SLU7: variants seen among roughly 807,000 people sequenced by gnomAD.
SLU7 encodes the protein spliceosome associated SLU7.
SLU7 carries 60 observed loss-of-function variants against 87.0 expected under a neutral mutation model. The observed-to-expected ratio is 0.69, with a 90% CI of 0.56 to 0.86. SLU7 has a LOEUF of 0.86. Ranked by LOEUF, SLU7 falls within the 40% of genes least tolerant of loss-of-function variation. The probability of loss-of-function intolerance (pLI) is 0.00; values close to 1 mark genes in which losing one functional copy is unlikely to be tolerated. For synonymous variants in SLU7, 197 were observed against 222.0 expected, an observed-to-expected ratio of 0.89 and a Z score of 1.00; for missense variants, 507 against 686.6, an observed-to-expected ratio of 0.74 and a Z score of 2.92.
In SLU7 at chr5:160,415,309, C is replaced by T; in HGVS notation, c.-15G>A. 1 of 1,541,936 alleles carries T rather than the reference C, an allele frequency of 6.5e-7. No homozygotes were observed. The highest frequency in any genetic ancestry group is 8.7e-7 in the Non-Finnish European group (1 of 1,149,094). On this transcript the variant is annotated splice_region_variant and 5_prime_UTR_variant, in exon 2 of 16. Coordinates refer to ENST00000297151, the MANE Select transcript of SLU7 (RefSeq NM_006425.5). The stretch of plus-strand genomic sequence containing the variant: ...GTGGCTGACATGGTTATCTGGCCTC[C>T]TCTAGGAAAAGAAGTGAAACTTACA...
intron 6 of SLU7, among the ~76,000 whole-genome samples, chr5:160,409,270 G>A (rs150899365): frequency 7.9e-5 from 12 of 152,196 alleles, no homozygotes; most frequent in African/African-American, 2.9e-4. Context: ...TGTAATTTAA[G>A]GAGAGGCCAA....
In SLU7 at chr5:160,401,937, A is replaced by G. The variant is rs1405000566; in HGVS notation, c.*1348T>C. The stretch of plus-strand genomic sequence containing the variant: ...ACAGGTGGTTTTTGGTAGTTTAGAA[A>G]AGCCAGTGAGTGGGCTGTTAAAAGT... On this transcript the variant is annotated 3_prime_UTR_variant, in exon 16 of 16. Coordinates refer to ENST00000297151, the MANE Select transcript of SLU7 (RefSeq NM_006425.5). The G allele has an allele frequency of 6.6e-6, 1 of 152,188 alleles. No homozygotes were observed. The highest frequency in any genetic ancestry group is 1.5e-5 in the Non-Finnish European group (1 of 68,018). The allele number at this position is 152,188 out of a possible 1,614,324, so 9.4% of individuals were successfully genotyped here.
At chr5:160,413,747 T>G (rs1765337750) in intron 4 of SLU7, 127 bp from the exon 5 acceptor site, 1 of 1,006,948 alleles carries the variant, frequency 9.9e-7, no homozygotes, top group African/African-American at 1.6e-5. Context: ...AGTAGAAAAT[T>G]TTGTTGGTGT....
chr5:160,413,448 T>G lies in SLU7; in HGVS notation c.570+8A>C. 1 of 1,612,396 alleles carries G rather than the reference T, an allele frequency of 6.2e-7. No homozygotes were observed. Among genetic ancestry groups the G allele is most frequent in the Non-Finnish European group, 8.5e-7 (1 of 1,179,176 alleles). ...AAAAACCCCAGGAAAGCAGGGAATT[T>G]TGCTCACCAAATCAACTTTGGCATA... On this transcript the variant is annotated splice_region_variant and intron_variant, in intron 5 of 15. Transcript: ENST00000297151.
chr5:160,410,065 T>C (rs1765168573), intron 6 of SLU7, among the ~76,000 whole-genome samples: 1 of 152,132 alleles, frequency 6.6e-6, no homozygotes, highest in Non-Finnish European at 1.5e-5. Flanking sequence ...CCCACTGTAC[T>C]CTATGTTGTT....
intron 6 of SLU7, among the ~76,000 whole-genome samples, 177 bp from the exon 7 acceptor site, chr5:160,408,874 TATA>T (rs946293125): frequency 7.6e-6 from 1 of 131,848 alleles, no homozygotes; most frequent in Admixed American, 8.0e-5. Flanking sequence ...TTATATAATA[TATA>T]ATATGTAACT....
In SLU7 at chr5:160,403,690, A is replaced by G. The variant is rs546922943; in HGVS notation, c.1582-226T>C. 1.9e-4 allele frequency among the ~76,000 whole-genome samples: 29 copies of G among 152,372 alleles called. No individual in the cohort carries two copies. In the East Asian group the frequency reaches 5.2e-3, roughly 27 times the overall value. On this transcript the variant is annotated intron_variant, in intron 15 of 15. Coordinates refer to ENST00000297151, the MANE Select transcript of SLU7 (RefSeq NM_006425.5). ...CACAAAACATTCTATAACATTTTAA[A>G]TCAATGTTGAAGAAATTTTATTTAA...
intron 6 of SLU7, 69 bp from the exon 7 acceptor site, chr5:160,408,766 G>C (rs921607106): frequency 2.3e-6 from 1 of 438,100 alleles, no homozygotes; most frequent in Non-Finnish European, 3.9e-6. Context: ...TTATTATTAA[G>C]ATAATAAAGT....
Position 160,408,437 on chromosome 5 carries a change from A to G in SLU7, c.711T>C (p.Asp237=). Residue 237 remains aspartate (D), a synonymous_variant, in exon 8 of 16, where the codon GAT becomes GAC. Coordinates refer to ENST00000297151, the MANE Select transcript of SLU7 (RefSeq NM_006425.5). ...CATCTGCATATTTATCTTCATCCTCATCTTCACTATTATGATCTTTTTCCT... is the reference window on the plus strand; with the variant it reads ...CATCTGCATATTTATCTTCATCCTCGTCTTCACTATTATGATCTTTTTCCT... The part of the protein sequence containing the change: ...SQMEKDHNSE[D]EDEDKYADDI... 6.2e-7 allele frequency: 1 copy of G among 1,607,806 alleles called. No individual in the cohort carries two copies. The highest frequency in any genetic ancestry group is 1.7e-4 in the Middle Eastern group (1 of 5,974).
chr5:160,408,615 T>G, intron 7 of SLU7, 35 bp downstream of exon 7: 1 of 1,457,686 alleles, frequency 6.9e-7, no homozygotes, highest in Middle Eastern at 1.7e-4. Context: ...ATTTAAAAAT[T>G]TAACATATAC....
intron 1 of SLU7, among the ~76,000 whole-genome samples, chr5:160,417,599 C>A (rs1765508119): frequency 6.6e-6 from 1 of 152,094 alleles, no homozygotes; most frequent in African/African-American, 2.4e-5. Context: ...ACCAGCCTGG[C>A]CAACCTGGCG....
At position 160,407,637 on chromosome 5, in the gene SLU7, T is replaced by C. The variant is rs1161029365; in HGVS notation, c.986-22A>G. ...AACACTAGAGTAATTCAAAACATCT[T>C]AGTGAGTTGGCAGCTGCATTACTGT... On this transcript the variant is annotated intron_variant, in intron 10 of 15. Coordinates refer to ENST00000297151, the MANE Select transcript of SLU7 (RefSeq NM_006425.5). The surrounding 1 kb of genome is among the most constrained non-coding windows in gnomAD (Gnocchi z 4.2). 1 of 1,606,802 alleles carries C rather than the reference T, an allele frequency of 6.2e-7. No homozygotes were observed.
chr5:160,404,628 A>C (rs1227882825), intron 14 of SLU7, 72 bp from the exon 15 acceptor site: 6 of 1,079,198 alleles, frequency 5.6e-6, no homozygotes, highest in Non-Finnish European at 8.3e-6. Flanking sequence ...TGGGCGGCTG[A>C]GGCACAAGAA....
chr5:160,407,953 A>G lies in SLU7; in HGVS notation c.917+18T>C, dbSNP rs1446434075. 1 of 1,564,978 alleles carries G rather than the reference A, an allele frequency of 6.4e-7. No homozygotes were observed. Among genetic ancestry groups the G allele is most frequent in the Non-Finnish European group, 8.8e-7 (1 of 1,135,852 alleles). ...CTTTCTCTCATCTTAAAATCTGTAC[A>G]TTTAACTTGATACTTACTCATCTGG... is the stretch of plus-strand genomic sequence containing the variant. On this transcript the variant is annotated intron_variant, in intron 9 of 15. Transcript: ENST00000297151. This position sits in a 1 kb window ranked among gnomAD's most constrained non-coding sequence, Gnocchi z 4.2.
chr5:160,408,135 G>C, intron 8 of SLU7, 67 bp from the exon 9 acceptor site: 5 of 1,244,624 alleles, frequency 4.0e-6, no homozygotes, highest in Non-Finnish European at 5.9e-6. Flanking sequence ...CAGACTAGTT[G>C]GAGGAGTTGA....
chr5:160,411,439 G>A (rs929852982), intron 6 of SLU7, among the ~76,000 whole-genome samples: 3 of 151,710 alleles, frequency 2.0e-5, no homozygotes, highest in East Asian at 1.9e-4. Flanking sequence ...GGCTAGTCTC[G>A]AACTCCTGAC....
At position 160,412,437 on chromosome 5, in the gene SLU7, T is replaced by G. The variant is rs761393274; in HGVS notation, c.639+14A>C. ...AGAAATAAAACCTTTTTATTGATCA[T>G]TTTCATTACTTACAGCCTGTTCCAC... On this transcript the variant is annotated intron_variant, in intron 6 of 15. Transcript: ENST00000297151. The G allele has an allele frequency of 1.9e-5, 28 of 1,440,120 alleles. No individual in the cohort carries two copies. The East Asian group carries it at 6.2e-4, about 32-fold the overall frequency. 89.2% of individuals were successfully genotyped at this position (1,440,120 alleles called of 1,614,324 possible). A position where few individuals can be genotyped will look rare whatever the true frequency, so the allele number is the denominator to read the frequency against.
chr5:160,413,813 T>C, intron 4 of SLU7, 86 bp downstream of exon 4: 1 of 1,093,836 alleles, frequency 9.1e-7, no homozygotes, highest in Non-Finnish European at 1.3e-6. Context: ...ATATAGGTGA[T>C]TTCAGAAAAA....
rs1465453115 is a variant in SLU7, at chr5:160,413,891, G to A, written c.405+8C>T. ...AACGGTTTTCAAAATTTTCAAAGGT[G>A]AACTTACCTCAAAGCAGTCTTTCTT... On this transcript the variant is annotated splice_region_variant and intron_variant, in intron 4 of 15. Coordinates refer to ENST00000297151, the MANE Select transcript of SLU7 (RefSeq NM_006425.5). 3 of 1,575,744 alleles carry A rather than the reference G, an allele frequency of 1.9e-6. No homozygotes were observed. The highest frequency in any genetic ancestry group is 2.6e-6 in the Non-Finnish European group (3 of 1,163,344).
Sources: gnomAD v4.1 joint callset for allele counts (sites outside exome capture counted in the v4.1 genomes callset) on GRCh38, gnomAD v4.1.1 for gene constraint, Gnocchi (gnomAD v3.1) non-coding constraint, MANE v1.5 for transcripts, NCBI Gene and HGNC (gene_info 2026-07-23, HGNC 2026-07-21) for gene names.